PON2: variants seen among roughly 807,000 people sequenced by gnomAD.
The protein encoded by PON2 is paraoxonase 2, also known as serum paraoxonase/arylesterase 2.
In PON2, 27 loss-of-function variants were observed where a neutral mutation model predicts 36.6. That is an observed-to-expected ratio of 0.74 (90% CI 0.54 to 1.02). PON2 has a LOEUF of 1.02. PON2 is among the 50% of genes least tolerant of loss of function. PON2 has a pLI of 0.00. For synonymous variants in PON2, 149 were observed against 156.3 expected, an observed-to-expected ratio of 0.95 and a Z score of 0.35; for missense variants, 363 against 421.1, an observed-to-expected ratio of 0.86 and a Z score of 1.21.
intron 5 of PON2, among the ~76,000 whole-genome samples, chr7:95,411,099 C>T (rs2299263): frequency 0.27 from 40,699 of 151,940 alleles, 5,865 homozygotes; most frequent in South Asian, 0.36. Context: ...ATGATTCTCT[C>T]TTAGCCACAT....
At chr7:95,408,807 TAAA>T (rs893885628) in intron 6 of PON2, among the ~76,000 whole-genome samples, 4 of 152,218 alleles carry the variant, frequency 2.6e-5, no homozygotes, top group Admixed American at 1.3e-4. Flanking sequence ...GTTGTGCATA[TAAA>T]AATAATGAGA....
chr7:95,415,611 A>G (rs1356215959), intron 3 of PON2, among the ~76,000 whole-genome samples: 2 of 152,190 alleles, frequency 1.3e-5, no homozygotes, highest in Non-Finnish European at 2.9e-5. Flanking sequence ...GTTAGTATTG[A>G]GTATCCACAG....
At chr7:95,412,582 T>A in intron 3 of PON2, 105 bp from the exon 4 acceptor site, 5 of 1,241,186 alleles carry the variant, frequency 4.0e-6, no homozygotes, top group Non-Finnish European at 5.8e-6. Flanking sequence ...GTTAAAGTAG[T>A]GGCATAAAGC....
chr7:95,412,300 AT>A lies in PON2; in HGVS notation c.367+11del, dbSNP rs1562786369. The A allele has an allele frequency of 6.2e-7, 1 of 1,614,012 alleles. No individual in the cohort carries two copies. Among genetic ancestry groups the A allele is most frequent in the African/African-American group, 1.3e-5 (1 of 75,036 alleles). On this transcript the variant is annotated intron_variant, in intron 4 of 8. Coordinates refer to ENST00000222572, the MANE Select transcript of PON2 (RefSeq NM_000305.3). ...ACACGTTACTAAATGTTGGTAGCCC[AT>A]TGGCTCTTACCGTTGTCTATGAAAG... is the stretch of plus-strand genomic sequence containing the variant.
At chr7:95,426,054 C>T (rs1789308812) in intron 1 of PON2, among the ~76,000 whole-genome samples, 1 of 151,900 alleles carries the variant, frequency 6.6e-6, no homozygotes, top group African/African-American at 2.4e-5. Context: ...CAATGGTGCA[C>T]ATGGACATAA....
chr7:95,409,788 A>G, intron 6 of PON2, 113 bp downstream of exon 6: 1 of 712,734 alleles, frequency 1.4e-6, no homozygotes, highest in Non-Finnish European at 2.4e-6. Context: ...TATATGTATA[A>G]TATACCATAA....
At chr7:95,434,058 A>G (rs184565623) in intron 1 of PON2, among the ~76,000 whole-genome samples, 1 of 152,320 alleles carries the variant, frequency 6.6e-6, no homozygotes, top group African/African-American at 2.4e-5. Flanking sequence ...CATGAGGCCT[A>G]TAAAATTTTG....
chr7:95,405,558 C>G lies in PON2; in HGVS notation c.907-70G>C, dbSNP rs1173024309. 2.1e-6 allele frequency: 3 copies of G among 1,436,702 alleles called. No individual in the cohort carries two copies. In the African/African-American group the frequency reaches 4.2e-5, roughly 20 times the overall value. The allele number at this position is 1,436,702 out of a possible 1,614,324, so 89.0% of individuals were successfully genotyped here. A position where few individuals can be genotyped will look rare whatever the true frequency, so the allele number is the denominator to read the frequency against. ...CATGTCACTCAATCATCAATAAGCC[C>G]TGTTTTCCACAATGACACACTGATT... On this transcript the variant is annotated intron_variant, in intron 8 of 8. Transcript: ENST00000222572.
At chr7:95,420,880 TTG>T (rs1359506678) in intron 2 of PON2, among the ~76,000 whole-genome samples, 5 of 152,224 alleles carry the variant, frequency 3.3e-5, no homozygotes, top group African/African-American at 1.2e-4. Context: ...TAAGCAACTG[TTG>T]TTAAAGATAT....
intron 1 of PON2, 73 bp from the exon 2 acceptor site, chr7:95,424,658 G>A: frequency 1.7e-6 from 2 of 1,173,664 alleles, no homozygotes; most frequent in Non-Finnish European, 2.5e-6. Context: ...TTTAGAAAGG[G>A]TTTAAAGAGG....
At chr7:95,424,238 C>T (rs533657825) in intron 2 of PON2, 53 of 460,236 alleles carry the variant, frequency 1.2e-4, no homozygotes, top group Middle Eastern at 1.3e-3. Flanking sequence ...ACAATACAGA[C>T]GCAACAAAAA....
In PON2 at chr7:95,422,929, A is replaced by C. The variant is rs532026116; in HGVS notation, c.145+1586T>G. 3.0e-4 allele frequency among the ~76,000 whole-genome samples: 45 copies of C among 152,286 alleles called. 1 individual carries two copies. The South Asian group carries it at 9.3e-3, about 32-fold the overall frequency. On this transcript the variant is annotated intron_variant, in intron 2 of 8. Coordinates refer to ENST00000222572, the MANE Select transcript of PON2 (RefSeq NM_000305.3). ...TTATAGGTGACAAATACAAAAACCAACTTTGCCTAAGGTTACATTGTGGCA... is the reference window on the plus strand; with the variant it reads ...TTATAGGTGACAAATACAAAAACCACCTTTGCCTAAGGTTACATTGTGGCA...
At chr7:95,430,816 A>T (rs1391355728) in intron 1 of PON2, among the ~76,000 whole-genome samples, 5 of 152,064 alleles carry the variant, frequency 3.3e-5, no homozygotes, top group Admixed American at 3.3e-4. Context: ...TAAAAAAATA[A>T]ATAAAGAAGT....
chr7:95,415,304 A>G (rs563996161), intron 3 of PON2: 1 of 152,336 alleles, frequency 6.6e-6, no homozygotes, highest in African/African-American at 2.4e-5. Context: ...ACATTGTTAC[A>G]AGCTAGTTTC....
At chr7:95,412,561 T>C in intron 3 of PON2, 84 bp from the exon 4 acceptor site, 2 of 1,419,292 alleles carry the variant, frequency 1.4e-6, no homozygotes, top group Admixed American at 3.6e-5. Context: ...GAAGGATAAA[T>C]AGAGATTGTG....
At chr7:95,409,520 C>T (rs1211782286) in intron 6 of PON2, 3 of 152,704 alleles carry the variant, frequency 2.0e-5, no homozygotes, top group African/African-American at 4.8e-5. Context: ...AAAAATAATA[C>T]ATTTATTTAA....
intron 1 of PON2, among the ~76,000 whole-genome samples, chr7:95,431,879 C>A (rs1338035595): frequency 2.0e-5 from 3 of 149,174 alleles, no homozygotes; most frequent in East Asian, 2.0e-4. Context: ...ACGCTTAATG[C>A]TAAAAGTATG....
At chr7:95,414,077 C>A (rs904799602) in intron 3 of PON2, among the ~76,000 whole-genome samples, 42 of 152,174 alleles carry the variant, frequency 2.8e-4, no homozygotes, top group African/African-American at 8.0e-4. Context: ...ATACATACAA[C>A]ATTCATCACT....
At chr7:95,433,659 C>G (rs1789495090) in intron 1 of PON2, among the ~76,000 whole-genome samples, 1 of 152,210 alleles carries the variant, frequency 6.6e-6, no homozygotes, top group Admixed American at 6.5e-5. Flanking sequence ...CTTCCCACCA[C>G]CCTACTATTC....
Sources: allele counts gnomAD v4.1 joint callset (sites outside exome capture counted in the v4.1 genomes callset), GRCh38; gene constraint gnomAD v4.1.1; transcripts MANE v1.5; gene names NCBI Gene and HGNC (gene_info 2026-07-23, HGNC 2026-07-21).